Variants in TET2 observed in about 807,000 individuals in gnomAD.
The protein encoded by TET2 is tet methylcytosine dioxygenase 2.
Under a neutral mutation model 142.9 loss-of-function variants are expected in TET2, and 299 were observed. That is an observed-to-expected ratio of 2.09 (90% confidence interval 1.90 to 2.30). The LOEUF (loss-of-function observed/expected upper bound fraction) is 2.30. Ranked by LOEUF, TET2 falls within the 30% of genes most tolerant of loss-of-function variation. The pLI is 0.00. For missense variants in TET2, 2,418 were observed against 2,378.0 expected, an observed-to-expected ratio of 1.02 and a Z score of -0.35; for synonymous variants, 819 against 849.0, an observed-to-expected ratio of 0.96 and a Z score of 0.61.
At chr4:105,160,649 A>G (rs1198164479) in intron 1 of TET2, among the ~76,000 whole-genome samples, 1 of 152,250 alleles carries the variant, frequency 6.6e-6, no homozygotes, top group Non-Finnish European at 1.5e-5. Context: ...TTCTAAAGAT[A>G]GGAAAAATCA....
At chr4:105,269,955 G>T (rs964276829) in intron 9 of TET2, among the ~76,000 whole-genome samples, 4 of 152,192 alleles carry the variant, frequency 2.6e-5, no homozygotes, top group African/African-American at 4.8e-5. Flanking sequence ...AACATGTGCA[G>T]GGGAACTCCC....
chr4:105,276,848 C>T lies in TET2; in HGVS notation c.*329C>T, dbSNP rs888656288. ...GATATGTAAATGTGATCCCCCCCCC[C>T]CGCTTACAACTCTACACATCTGTGA... On this transcript the variant is annotated 3_prime_UTR_variant, in exon 11 of 11. Transcript: ENST00000380013. 1.8e-5 allele frequency: 4 copies of T among 217,392 alleles called. 1 individual carries two copies. Among genetic ancestry groups the T allele is most frequent in the African/African-American group, 1.0e-4 (4 of 39,428 alleles). The allele number at this position is 217,392 out of a possible 1,614,324, so 13.5% of individuals were successfully genotyped here. A position where few individuals can be genotyped will look rare whatever the true frequency, so the allele number is the denominator to read the frequency against.
chr4:105,276,831 A>T lies in TET2; in HGVS notation c.*312A>T. The T allele has an allele frequency of 8.0e-6, 2 of 250,574 alleles. 1 individual carries two copies. The highest frequency in any genetic ancestry group is 1.5e-5 in the Non-Finnish European group (2 of 134,326). 15.5% of individuals were successfully genotyped at this position (250,574 alleles called of 1,614,324 possible). A position where few individuals can be genotyped will look rare whatever the true frequency, so the allele number is the denominator to read the frequency against. On this transcript the variant is annotated 3_prime_UTR_variant, in exon 11 of 11. Transcript: ENST00000380013. The stretch of plus-strand genomic sequence containing the variant: ...CTATTATTGGACGAGATGATATGTA[A>T]ATGTGATCCCCCCCCCCCGCTTACA...
At chr4:105,179,210 G>T (rs907468687) in intron 1 of TET2, among the ~76,000 whole-genome samples, 58 of 152,168 alleles carry the variant, frequency 3.8e-4, no homozygotes, top group African/African-American at 1.4e-3. Context: ...AACCATATCA[G>T]TGATAAAACT....
chr4:105,186,875 G>C (rs13109676), intron 1 of TET2, among the ~76,000 whole-genome samples: 115,032 of 152,168 alleles, frequency 0.76, 44,552 homozygotes, highest in African/African-American at 0.94. Flanking sequence ...TGGAGACTTT[G>C]CAAAGCTGAA....
intron 1 of TET2, among the ~76,000 whole-genome samples, 185 bp from the exon 2 acceptor site, chr4:105,190,175 T>C (rs1389353482): frequency 2.0e-5 from 3 of 152,188 alleles, no homozygotes; most frequent in Non-Finnish European, 2.9e-5. Context: ...GATATTAGAA[T>C]TGTTATTATG....
chr4:105,239,149 ATG>A (rs1202482453), intron 3 of TET2: 2 of 236,806 alleles, frequency 8.4e-6, no homozygotes, highest in African/African-American at 4.5e-5. Flanking sequence ...TTGTAAAAAG[ATG>A]TGTTATCATC....
intron 6 of TET2, among the ~76,000 whole-genome samples, chr4:105,250,948 C>T (rs1218375370): frequency 6.6e-6 from 1 of 152,154 alleles, no homozygotes; most frequent in Admixed American, 6.5e-5. Context: ...TCCCAAAGTA[C>T]TGGGATTACA....
At chr4:105,243,899 C>T (rs988974947) in intron 6 of TET2, 121 bp downstream of exon 6, 8 of 828,844 alleles carry the variant, frequency 9.7e-6, no homozygotes, top group East Asian at 5.4e-5. Context: ...ATCAAAATGC[C>T]TGTTTGGCAG....
intron 8 of TET2, among the ~76,000 whole-genome samples, chr4:105,262,521 A>T (rs942907133): frequency 7.9e-5 from 12 of 152,260 alleles, no homozygotes; most frequent in Middle Eastern, 3.4e-3. Context: ...AGTCTATTAC[A>T]AACTAAACAC....
At chr4:105,203,468 GTATACAA>G (rs1222995495) in intron 2 of TET2, among the ~76,000 whole-genome samples, 1 of 151,938 alleles carries the variant, frequency 6.6e-6, no homozygotes, top group Non-Finnish European at 1.5e-5. Flanking sequence ...AAAGGTCTTT[GTATACAA>G]TACATTACAT....
At chr4:105,202,431 G>A (rs961418216) in intron 2 of TET2, 6 of 152,072 alleles carry the variant, frequency 3.9e-5, no homozygotes, top group Non-Finnish European at 8.8e-5. Context: ...TCACGCTTCA[G>A]GTCCTCTAAA....
Position 105,275,309 on chromosome 4 carries a change from C to T in TET2, c.4799C>T (p.Thr1600Ile), listed in dbSNP as rs757757518. ...ACCAGCCCTATGAACTTCTATTCCA[C>T]CTCATCTCAAGCTGCAGGTTCATAT... is the stretch of plus-strand genomic sequence containing the variant. ...GSTSPMNFYS[T>I]SSQAAGSYLN... Residue 1600 changes from threonine (T) to isoleucine (I), a missense_variant, in exon 11 of 11, where the codon ACC (threonine) becomes ATC (isoleucine). By Grantham distance (89) the Thr-to-Ile change is moderately conservative. Coordinates refer to ENST00000380013, the MANE Select transcript of TET2 (RefSeq NM_001127208.3). 1.3e-6 allele frequency: 2 copies of T among 1,552,064 alleles called. No homozygotes were observed. The highest frequency in any genetic ancestry group is 1.7e-6 in the Non-Finnish European group (2 of 1,147,074).
In TET2 at chr4:105,276,073, C is replaced by T. The variant is rs1560574374; in HGVS notation, c.5563C>T (p.Leu1855=). 1 of 1,551,580 alleles carries T rather than the reference C, an allele frequency of 6.4e-7. No homozygotes were observed. ...CTGGTCAGACAGCGAGCAGAGCTTT[C>T]TGGATCCTGACATTGGGGGAGTGGC... ...EVWSDSEQSF[L]DPDIGGVAVA... Residue 1855 remains leucine, a synonymous_variant, in exon 11 of 11, where the codon CTG becomes TTG. Transcript: ENST00000380013.
intron 1 of TET2, among the ~76,000 whole-genome samples, chr4:105,154,986 C>G (rs532986865): frequency 6.6e-6 from 1 of 152,106 alleles, no homozygotes; most frequent in South Asian, 2.1e-4. Context: ...GTTGGTGCCC[C>G]CACACTTCAG....
chr4:105,246,173 C>T (rs1429030076), intron 6 of TET2, among the ~76,000 whole-genome samples: 4 of 152,130 alleles, frequency 2.6e-5, no homozygotes, highest in Admixed American at 2.6e-4. Context: ...CCCACCCACC[C>T]TGGCCTCCCA....
At chr4:105,242,640 A>G in intron 4 of TET2, 194 bp from the exon 5 acceptor site, 1 of 1,346,168 alleles carries the variant, frequency 7.4e-7, no homozygotes, top group Non-Finnish European at 9.5e-7. Flanking sequence ...GTACATTTTG[A>G]TATTGAGGAA....
intron 6 of TET2, among the ~76,000 whole-genome samples, 187 bp downstream of exon 6, chr4:105,243,965 T>C (rs1729453248): frequency 6.6e-6 from 1 of 152,244 alleles, no homozygotes; most frequent in African/African-American, 2.4e-5. Flanking sequence ...GATTTCATTA[T>C]CTGAATTGTA....
At chr4:105,163,802 G>C (rs959290084) in intron 1 of TET2, among the ~76,000 whole-genome samples, 2 of 133,358 alleles carry the variant, frequency 1.5e-5, no homozygotes, top group Non-Finnish European at 3.3e-5. Flanking sequence ...GAGCTCGAAA[G>C]TTTCGAGAGA....
Sources: gnomAD v4.1 joint callset for allele counts (sites outside exome capture counted in the v4.1 genomes callset) on GRCh38, gnomAD v4.1.1 for gene constraint, MANE v1.5 for transcripts, NCBI Gene and HGNC (gene_info 2026-07-23, HGNC 2026-07-21) for gene names.